Variants in AGXT observed in about 807,000 individuals in gnomAD.
The protein encoded by AGXT is L-alanine: glyoxylate aminotransferase 1.
Under a neutral mutation model 46.9 loss-of-function variants are expected in AGXT, and 41 were observed. The observed-to-expected ratio is 0.88, with a 90% CI of 0.68 to 1.14. The LOEUF (loss-of-function observed/expected upper bound fraction) is 1.14. Among genes scored for constraint, AGXT ranks in the 50% most tolerant of loss-of-function variants. AGXT has a pLI of 0.00. For synonymous variants in AGXT, 244 were observed against 227.9 expected (o/e 1.07, Z -0.64); for missense variants, 525 against 522.7 (o/e 1.00, Z -0.04).
At chr2:240,877,746 G>A (rs993525993) in intron 9 of AGXT, 114 bp downstream of exon 9, 20 of 1,236,956 alleles carry the variant, frequency 1.6e-5, no homozygotes, top group Admixed American at 6.7e-5. Flanking sequence ...GCGGCTGCCC[G>A]GTGGTGTGGC....
chr2:240,871,915 C>T (rs573449901), intron 4 of AGXT, among the ~76,000 whole-genome samples: 144 of 152,346 alleles, frequency 9.5e-4, no homozygotes, highest in African/African-American at 3.3e-3. Flanking sequence ...CCCAGCAGTC[C>T]CGTCTGCAGG....
intron 8 of AGXT, chr2:240,877,143 C>T (rs1468633982): frequency 9.9e-6 from 4 of 405,116 alleles, no homozygotes; most frequent in Non-Finnish European, 1.5e-5. Context: ...GATGCCAGGT[C>T]GGGGGAGCTG....
At chr2:240,871,111 G>A (rs1317745714) in intron 3 of AGXT, 1 of 604,206 alleles carries the variant, frequency 1.7e-6, no homozygotes, top group Non-Finnish European at 3.0e-6. Context: ...GCCCTCACAG[G>A]CCAGGCAACA....
intron 9 of AGXT, 138 bp downstream of exon 9, chr2:240,877,770 A>G (rs188699057): frequency 9.4e-7 from 1 of 1,065,492 alleles, no homozygotes; most frequent in South Asian, 1.5e-5. Context: ...GGTGCCAGGG[A>G]TTAGTCTCGG....
At chr2:240,877,102 C>G in intron 8 of AGXT, 1 of 353,356 alleles carries the variant, frequency 2.8e-6, no homozygotes, top group Non-Finnish European at 5.7e-6. Context: ...CCTCACCTGT[C>G]CAGAGCTGAG....
In AGXT at chr2:240,873,021, C is replaced by T. The variant is rs373612587; in HGVS notation, c.567C>T (p.Gly189=). 5.1e-5 allele frequency: 83 copies of T among 1,613,876 alleles called. No individual in the cohort carries two copies. Among genetic ancestry groups the T allele is most frequent in the Middle Eastern group, 3.3e-4 (2 of 6,058 alleles). The change falls in exon 5 of 11, where the codon GGC becomes GGT. Residue 189 remains glycine (G), a synonymous_variant. Transcript: ENST00000307503. ...LLLVDSVASL[G]GTPLYMDRQG... ...TGGTGGATTCGGTGGCATCCCTGGGCGGGACCCCCCTTTACATGGACCGGC... is the reference window on the plus strand; with the variant it reads ...TGGTGGATTCGGTGGCATCCCTGGGTGGGACCCCCCTTTACATGGACCGGC...
rs12619921 is a variant in AGXT, at chr2:240,879,596, G to A, written c.*775G>A. 73,457 of 152,226 alleles carry A rather than the reference G, an allele frequency of 0.48. 19,919 individuals are homozygous for A. The highest frequency in any genetic ancestry group is 0.6 in the Non-Finnish European group (41,173 of 68,110). The allele number at this position is 152,226 out of a possible 1,614,324, so 9.4% of individuals were successfully genotyped here. A position where few individuals can be genotyped will look rare whatever the true frequency, so the allele number is the denominator to read the frequency against. ...ACGATCTCAGCTCACTACAACCTCC[G>A]CCTCCCGGGTTCAAGCGATTCTCCT... is the stretch of plus-strand genomic sequence containing the variant. On this transcript the variant is annotated 3_prime_UTR_variant, in exon 11 of 11. Transcript: ENST00000307503.
chr2:240,868,986 G>C lies in AGXT; in HGVS notation c.121G>C (p.Gly41Arg). ...CCTGCCTCCTCGCATCATGGCAGCCGGGGGGCTGCAGATGATCGGGTCCAT... is the reference window on the plus strand; with the variant it reads ...CCTGCCTCCTCGCATCATGGCAGCCCGGGGGCTGCAGATGATCGGGTCCAT... ...SNLPPRIMAA[G>R]GLQMIGSMSK... The change falls in exon 1 of 11, where the codon GGG (glycine) becomes CGG (arginine). Residue 41 changes from glycine to arginine, a missense_variant. Coordinates refer to ENST00000307503, the MANE Select transcript of AGXT (RefSeq NM_000030.3). 1 of 1,612,842 alleles carries C rather than the reference G, an allele frequency of 6.2e-7. No individual in the cohort carries two copies. Among genetic ancestry groups the C allele is most frequent in the Non-Finnish European group, 8.5e-7 (1 of 1,179,988 alleles).
intron 2 of AGXT, among the ~76,000 whole-genome samples, chr2:240,870,268 G>A (rs912567922): frequency 2.0e-5 from 3 of 152,080 alleles, no homozygotes; most frequent in African/African-American, 4.8e-5. Context: ...TCACACCTGT[G>A]GTGTGCCAGC....
intron 6 of AGXT, among the ~76,000 whole-genome samples, chr2:240,874,863 G>A (rs907886391): frequency 6.6e-6 from 1 of 152,224 alleles, no homozygotes; most frequent in Admixed American, 6.5e-5. Flanking sequence ...AGAGTGGAGG[G>A]AGCTGGCCTT....
chr2:240,877,064 T>G (rs2059028212), intron 8 of AGXT: 1 of 270,042 alleles, frequency 3.7e-6, no homozygotes, highest in African/African-American at 2.2e-5. Flanking sequence ...GTAATGGCAC[T>G]GAGGGGCCCA....
At position 240,870,649 on chromosome 2, in the gene AGXT, C is replaced by T. The variant is rs180177210; in HGVS notation, c.364C>T (p.Arg122Ter). 5 of 1,552,634 alleles carry T rather than the reference C, an allele frequency of 3.2e-6. No individual in the cohort carries two copies. In the South Asian group the frequency reaches 4.8e-5, roughly 15 times the overall value. Residue 122 changes from arginine to a stop codon, truncating the protein, a stop_gained, in exon 3 of 11, where the codon CGA becomes TGA. Transcript: ENST00000307503. LOFTEE classifies it high-confidence loss of function. Reference protein sequence around the residue: ...AVDIGERIGARVHPMTKDPGG... With the variant: ...AVDIGERIGA ...CCACTCTGTCCTGCACCCAGGAGCC[C>T]GAGTGCACCCGATGACCAAGGACCC...
intron 2 of AGXT, among the ~76,000 whole-genome samples, chr2:240,869,864 T>G (rs1266729774): frequency 6.6e-6 from 1 of 151,718 alleles, no homozygotes; most frequent in African/African-American, 2.4e-5. Flanking sequence ...GGAGCAGGAG[T>G]GTGCCCTGGG....
At chr2:240,871,070 G>A (rs756501008) in intron 3 of AGXT, 69 of 586,394 alleles carry the variant, frequency 1.2e-4, no homozygotes, top group Middle Eastern at 4.5e-4. Flanking sequence ...CAGCCTACCC[G>A]GAGTGTGGGG....
intron 8 of AGXT, among the ~76,000 whole-genome samples, chr2:240,876,483 C>A (rs1002684421): frequency 6.6e-6 from 1 of 152,162 alleles, no homozygotes; most frequent in African/African-American, 2.4e-5. Context: ...GACACTGCAA[C>A]ATCCACACTC....
intron 6 of AGXT, among the ~76,000 whole-genome samples, chr2:240,874,333 G>A (rs904509637): frequency 6.6e-6 from 1 of 152,236 alleles, no homozygotes; most frequent in African/African-American, 2.4e-5. Context: ...GACCAGGAAA[G>A]GACTGAGGGC....
In AGXT at chr2:240,878,922, G is replaced by A. The variant is rs2059043042; in HGVS notation, c.*101G>A. The A allele has an allele frequency of 7.8e-7, 1 of 1,275,702 alleles. No homozygotes were observed. The highest frequency in any genetic ancestry group is 1.5e-5 in the African/African-American group (1 of 67,784). The allele number at this position is 1,275,702 out of a possible 1,614,324, so 79.0% of individuals were successfully genotyped here. A position where few individuals can be genotyped will look rare whatever the true frequency, so the allele number is the denominator to read the frequency against. On this transcript the variant is annotated 3_prime_UTR_variant, in exon 11 of 11. Transcript: ENST00000307503. ...CCCTGCAAGGTCCTCCAGGCCTGGG[G>A]ACAGGAAAGCCACTGACCCAGCCCG... is the stretch of plus-strand genomic sequence containing the variant.
chr2:240,872,323 GGAGGAGGAGGAGGGTGAGAGTTCGTGAA>G (rs2058995646), intron 4 of AGXT, among the ~76,000 whole-genome samples: 311 of 24,020 alleles, frequency 0.013, no homozygotes, highest in African/African-American at 0.023. Flanking sequence ...TCGTGAACAT[GGAGGAGGAGGAGGGTGAGAGTTCGTGAA>G]CATGCAGGCG....
chr2:240,871,198 C>A, intron 3 of AGXT, 151 bp from the exon 4 acceptor site: 1 of 707,354 alleles, frequency 1.4e-6, no homozygotes, highest in Non-Finnish European at 2.5e-6. Flanking sequence ...CGGAGATGCC[C>A]CAGCCTCCTC....
Sources: gnomAD v4.1 joint callset for allele counts (sites outside exome capture counted in the v4.1 genomes callset) on GRCh38, gnomAD v4.1.1 for gene constraint, MANE v1.5 for transcripts, NCBI Gene and HGNC (gene_info 2026-07-23, HGNC 2026-07-21) for gene names.